MACROD2: variants seen among roughly 807,000 people sequenced by gnomAD.
MACROD2 encodes the protein mono-ADP ribosylhydrolase 2, also known as ADP-ribose glycohydrolase MACROD2.
In MACROD2, 36 loss-of-function variants were observed where a neutral mutation model predicts 70.4. The ratio of observed to expected loss-of-function variants is 0.51; its 90% confidence interval spans 0.39 to 0.68. MACROD2 has a LOEUF of 0.68. MACROD2 is among the 30% of genes least tolerant of loss of function. MACROD2 has a pLI of 0.00. For synonymous variants in MACROD2, 172 were observed against 178.8 expected (o/e 0.96, Z 0.30); for missense variants, 496 against 538.4 (o/e 0.92, Z 0.78).
chr20:15,976,035 T>C (rs1440265752), intron 13 of MACROD2, among the ~76,000 whole-genome samples: 1 of 152,224 alleles, frequency 6.6e-6, no homozygotes, highest in Non-Finnish European at 1.5e-5. Flanking sequence ...ACATGATTTC[T>C]TCAACACAAG....
At chr20:14,558,467 A>G (rs1215036396) in intron 4 of MACROD2, among the ~76,000 whole-genome samples, 1 of 151,792 alleles carries the variant, frequency 6.6e-6, no homozygotes. Flanking sequence ...AAATACAACA[A>G]TATAGGTAGG....
intron 8 of MACROD2, among the ~76,000 whole-genome samples, chr20:15,806,050 C>A (rs2063766281): frequency 6.6e-6 from 1 of 152,164 alleles, no homozygotes; most frequent in Non-Finnish European, 1.5e-5. Flanking sequence ...CCTGTGAAAC[C>A]TCTGGAGATA....
chr20:14,737,329 A>G (rs1363531052), intron 5 of MACROD2, among the ~76,000 whole-genome samples: 1 of 152,164 alleles, frequency 6.6e-6, no homozygotes, highest in Admixed American at 6.5e-5. Flanking sequence ...TATATGTGCC[A>G]CATTTTCTTC....
intron 15 of MACROD2, among the ~76,000 whole-genome samples, chr20:16,034,642 A>C (rs1031988916): frequency 6.6e-6 from 1 of 151,842 alleles, no homozygotes; most frequent in Non-Finnish European, 1.5e-5. Context: ...TATTATATTC[A>C]GTTTTAACAC....
At chr20:15,815,424 T>TA (rs397970361) in intron 8 of MACROD2, among the ~76,000 whole-genome samples, 1 of 151,914 alleles carries the variant, frequency 6.6e-6, no homozygotes, top group Non-Finnish European at 1.5e-5. Context: ...TTTTTTTTTT[T>TA]AATGTAGTCT....
chr20:14,388,793 C>G (rs2122795016), intron 3 of MACROD2, among the ~76,000 whole-genome samples: 1 of 151,992 alleles, frequency 6.6e-6, no homozygotes, highest in East Asian at 1.9e-4. Context: ...TTATATGGGT[C>G]CCATGGTGGT....
At chr20:14,756,876 C>T (rs536538221) in intron 5 of MACROD2, among the ~76,000 whole-genome samples, 101 of 152,100 alleles carry the variant, frequency 6.6e-4, no homozygotes, top group African/African-American at 1.9e-3. Flanking sequence ...AGTGAGTTCT[C>T]GTGGGATCTG....
chr20:14,900,710 A>T (rs2073885353), intron 5 of MACROD2, among the ~76,000 whole-genome samples: 1 of 151,800 alleles, frequency 6.6e-6, no homozygotes, highest in Non-Finnish European at 1.5e-5. Context: ...TTTGCCAGTC[A>T]GCTAAAGGTT....
At chr20:14,894,384 C>T (rs6042974) in intron 5 of MACROD2, 27,319 of 151,976 alleles carry the variant, frequency 0.18, 2,622 homozygotes, top group Non-Finnish European at 0.2. Flanking sequence ...GTGCCCACCA[C>T]CACGTCCGGC....
At chr20:14,944,560 A>G (rs2074415035) in intron 5 of MACROD2, among the ~76,000 whole-genome samples, 1 of 152,128 alleles carries the variant, frequency 6.6e-6, no homozygotes, top group African/African-American at 2.4e-5. Context: ...AAAAGGAGAA[A>G]CCAAGAAGCA....
intron 6 of MACROD2, among the ~76,000 whole-genome samples, chr20:15,306,125 T>C (rs987924856): frequency 3.3e-5 from 5 of 152,216 alleles, no homozygotes; most frequent in Non-Finnish European, 5.9e-5. Context: ...ATCAGTTTTC[T>C]TGATGAAGAA....
chr20:15,405,637 G>T (rs1017761970), intron 6 of MACROD2, among the ~76,000 whole-genome samples: 2 of 152,074 alleles, frequency 1.3e-5, no homozygotes, highest in African/African-American at 4.8e-5. Flanking sequence ...CTTTCTGTGG[G>T]AATCCTGTTT....
intron 3 of MACROD2, among the ~76,000 whole-genome samples, chr20:14,249,128 G>GT (rs1173672516): frequency 0.11 from 11,479 of 102,520 alleles, 799 homozygotes; most frequent in African/African-American, 0.21. Flanking sequence ...GATTTCAAAG[G>GT]TTTTTTTTTT....
intron 2 of MACROD2, among the ~76,000 whole-genome samples, chr20:14,027,246 G>A (rs2053181939): frequency 2.0e-5 from 3 of 151,726 alleles, no homozygotes; most frequent in South Asian, 2.1e-4. Context: ...CCGCTTGATC[G>A]ATTCGGCTAT....
intron 4 of MACROD2, among the ~76,000 whole-genome samples, chr20:14,584,876 T>C (rs1981269621): frequency 6.6e-6 from 1 of 152,188 alleles, no homozygotes; most frequent in Admixed American, 6.5e-5. Flanking sequence ...TAAAGGCTTG[T>C]TGAATAAATC....
At chr20:15,203,417 C>T (rs1365578355) in intron 5 of MACROD2, among the ~76,000 whole-genome samples, 2 of 152,016 alleles carry the variant, frequency 1.3e-5, no homozygotes, top group Non-Finnish European at 2.9e-5. Context: ...TTCATTTAGT[C>T]ACAGAGTGCA....
chr20:14,916,790 A>G (rs1420256992), intron 5 of MACROD2, among the ~76,000 whole-genome samples: 1 of 152,166 alleles, frequency 6.6e-6, no homozygotes, highest in Admixed American at 6.6e-5. Context: ...CCATGTAAGT[A>G]TAATTCCCGT....
chr20:15,683,560 C>T (rs1325026117), intron 8 of MACROD2, among the ~76,000 whole-genome samples: 1 of 152,106 alleles, frequency 6.6e-6, no homozygotes, highest in East Asian at 1.9e-4. Context: ...AAGTCATTTA[C>T]CATCCCTCAG....
intron 5 of MACROD2, among the ~76,000 whole-genome samples, chr20:14,817,337 C>G (rs1292772617): frequency 6.6e-6 from 1 of 152,170 alleles, no homozygotes; most frequent in Non-Finnish European, 1.5e-5. Context: ...GACCAATTCA[C>G]TGGTTTATTT....
Sources: gnomAD v4.1 joint callset for allele counts (sites outside exome capture counted in the v4.1 genomes callset) on GRCh38, gnomAD v4.1.1 for gene constraint, MANE v1.5 for transcripts, NCBI Gene and HGNC (gene_info 2026-07-23, HGNC 2026-07-21) for gene names.